SLC13A3: variants seen among roughly 807,000 people sequenced by gnomAD.
The protein encoded by SLC13A3 is Na(+)/dicarboxylate cotransporter 3.
SLC13A3 carries 40 observed loss-of-function variants against 59.0 expected under a neutral mutation model. That is an observed-to-expected ratio of 0.68 (90% CI 0.53 to 0.88). The LOEUF (loss-of-function observed/expected upper bound fraction) is 0.88, where lower values mean the gene tolerates loss of function less well. Ranked by LOEUF, SLC13A3 falls within the 40% of genes least tolerant of loss-of-function variation. The probability of loss-of-function intolerance (pLI) is 0.00; values close to 1 mark genes in which losing one functional copy is unlikely to be tolerated. For missense variants in SLC13A3, 699 were observed against 783.2 expected (o/e 0.89, Z 1.28); for synonymous variants, 317 against 330.3 (o/e 0.96, Z 0.44).
chr20:46,618,946 C>T (rs75201143), intron 1 of SLC13A3, among the ~76,000 whole-genome samples: 10,061 of 152,242 alleles, frequency 0.066, 367 homozygotes, highest in Admixed American at 0.095. Flanking sequence ...AGTGGGATAA[C>T]TGAGGCATGT....
At chr20:46,632,436 T>G (rs1389116326) in intron 1 of SLC13A3, among the ~76,000 whole-genome samples, 1 of 147,796 alleles carries the variant, frequency 6.8e-6, no homozygotes, top group African/African-American at 2.5e-5. Context: ...GGTGGGACAT[T>G]GCCTGGAAGA....
At chr20:46,677,846 G>A (rs956206222) in intron 1 of SLC13A3, among the ~76,000 whole-genome samples, 1 of 152,176 alleles carries the variant, frequency 6.6e-6, no homozygotes, top group Non-Finnish European at 1.5e-5. Flanking sequence ...GGAAAGCACA[G>A]GCCCCTCTAA....
chr20:46,608,926 G>A (rs201597050), intron 3 of SLC13A3: 6 of 1,550,984 alleles, frequency 3.9e-6, no homozygotes, highest in Non-Finnish European at 4.4e-6. Flanking sequence ...AGGAAGGACA[G>A]AACCCGGAAG....
chr20:46,668,037 T>C (rs1307425656), intron 1 of SLC13A3, among the ~76,000 whole-genome samples: 1 of 152,212 alleles, frequency 6.6e-6, no homozygotes, highest in Non-Finnish European at 1.5e-5. Context: ...CTCCACTGAC[T>C]GGCTATTCCC....
At chr20:46,674,598 C>CGT (rs1426452317), upstream of SLC13A3, among the ~76,000 whole-genome samples, 2 of 55,902 alleles carry the variant, frequency 3.6e-5, no homozygotes, top group East Asian at 3.9e-4. Flanking sequence ...TGCGCGCGCG[C>CGT]GCGCGCGTGT....
chr20:46,660,357 T>C (rs1350132933), intron 1 of SLC13A3, among the ~76,000 whole-genome samples: 3 of 152,222 alleles, frequency 2.0e-5, no homozygotes, highest in Non-Finnish European at 4.4e-5. Context: ...TCACCAGATA[T>C]AGAAGTCTAG....
chr20:46,684,066 T>G (rs2063167119), intron 1 of SLC13A3, among the ~76,000 whole-genome samples: 1 of 152,084 alleles, frequency 6.6e-6, no homozygotes, highest in Non-Finnish European at 1.5e-5. Context: ...GCCTCTCCCA[T>G]CTCATGTTCT....
At chr20:46,634,754 G>T (rs372849018) in intron 1 of SLC13A3, among the ~76,000 whole-genome samples, 1 of 152,184 alleles carries the variant, frequency 6.6e-6, no homozygotes, top group Non-Finnish European at 1.5e-5. Flanking sequence ...CCTGAGGAGG[G>T]TAGAACACGT....
intron 1 of SLC13A3, among the ~76,000 whole-genome samples, chr20:46,626,264 TTC>T (rs981324154): frequency 1.4e-5 from 2 of 140,698 alleles, no homozygotes; most frequent in Non-Finnish European, 3.1e-5. Flanking sequence ...TCTCCTCCCT[TTC>T]TCTCTCTCCC....
chr20:46,621,826 A>T lies in SLC13A3; in HGVS notation c.112-8101T>A, dbSNP rs374141377. The stretch of plus-strand genomic sequence containing the variant: ...CTGTTCTCCCTACCGCTCCGCTAAA[A>T]ATTCATAATTGGTACACTGAAAGTG... On this transcript the variant is annotated intron_variant, in intron 1 of 12. Coordinates refer to ENST00000279027, the MANE Select transcript of SLC13A3 (RefSeq NM_022829.6). Among the ~76,000 whole-genome samples, 33 of 152,366 alleles carry T rather than the reference A, an allele frequency of 2.2e-4. No homozygotes were observed. In the East Asian group the frequency reaches 2.9e-3, roughly 13 times the overall value.
At chr20:46,622,271 A>T (rs2062623193) in intron 1 of SLC13A3, among the ~76,000 whole-genome samples, 1 of 152,158 alleles carries the variant, frequency 6.6e-6, no homozygotes, top group African/African-American at 2.4e-5. Flanking sequence ...GCCCTTGAGG[A>T]TCTCAGAGTC....
rs757323050 is a variant in SLC13A3, at chr20:46,600,025, C to G, written c.554G>C (p.Arg185Thr). 2 of 1,566,108 alleles carry G rather than the reference C, an allele frequency of 1.3e-6. No individual in the cohort carries two copies. Among genetic ancestry groups the G allele is most frequent in the South Asian group, 2.3e-5 (2 of 85,164 alleles). The change falls in exon 4 of 13, where the codon AGA (arginine) becomes ACA (threonine). Residue 185 changes from arginine (R) to threonine (T), a missense_variant. Transcript: ENST00000279027. ...CGTGGGCACAGTGTGTAGGCCGTTT[C>G]TCCGCACAGCAGCTAGGAGGAAAGA... ...ESEENTAAVRRNGLHTVPTEM... is the reference protein window; with the variant it reads ...ESEENTAAVRTNGLHTVPTEM...
In SLC13A3 at chr20:46,596,146, C is replaced by G; in HGVS notation, c.794+11G>C. The G allele has an allele frequency of 6.2e-7, 1 of 1,611,130 alleles. No homozygotes were observed. Among genetic ancestry groups the G allele is most frequent in the Non-Finnish European group, 8.5e-7 (1 of 1,178,758 alleles). Reference sequence around the variant, plus strand: ...AGAACCCTCCCCGCCGGTGGGGACTCTCGCTTTCACCTCTTGAGCTGGCCA... The same window carrying G: ...AGAACCCTCCCCGCCGGTGGGGACTGTCGCTTTCACCTCTTGAGCTGGCCA... On this transcript the variant is annotated intron_variant, in intron 5 of 12. Coordinates refer to ENST00000279027, the MANE Select transcript of SLC13A3 (RefSeq NM_022829.6).
At chr20:46,583,326 T>C in intron 9 of SLC13A3, 1 of 1,087,670 alleles carries the variant, frequency 9.2e-7, no homozygotes, top group Non-Finnish European at 1.2e-6. Flanking sequence ...TGTGCTTAGC[T>C]CACAGGCTGT....
At chr20:46,572,302 C>G (rs1722211380) in intron 10 of SLC13A3, among the ~76,000 whole-genome samples, 1 of 152,124 alleles carries the variant, frequency 6.6e-6, no homozygotes, top group Admixed American at 6.5e-5. Context: ...CGCTCCTGGG[C>G]CAGGCTGCGG....
At chr20:46,627,089 G>A (rs1428645933) in intron 1 of SLC13A3, among the ~76,000 whole-genome samples, 21 of 152,158 alleles carry the variant, frequency 1.4e-4, no homozygotes, top group African/African-American at 2.4e-5. Flanking sequence ...TCTCTCTCTC[G>A]CCTCCCTGCA....
At chr20:46,655,408 C>T (rs928560348), upstream of SLC13A3, among the ~76,000 whole-genome samples, 21 of 149,152 alleles carry the variant, frequency 1.4e-4, no homozygotes, top group African/African-American at 5.2e-4. Flanking sequence ...CATGGTTATG[C>T]AGGCTTTACA....
intron 10 of SLC13A3, among the ~76,000 whole-genome samples, chr20:46,574,002 G>A (rs1384854303): frequency 1.3e-5 from 2 of 152,168 alleles, no homozygotes; most frequent in East Asian, 1.9e-4. Flanking sequence ...GGGGTGAGAC[G>A]GAGCTCAGCC....
chr20:46,652,658 G>A (rs1215149922), upstream of SLC13A3, among the ~76,000 whole-genome samples: 2 of 150,866 alleles, frequency 1.3e-5, no homozygotes, highest in Non-Finnish European at 2.9e-5. Context: ...GCCTCCCAAA[G>A]TTCTGGGATT....
Sources: gnomAD v4.1 joint callset for allele counts (sites outside exome capture counted in the v4.1 genomes callset) on GRCh38, gnomAD v4.1.1 for gene constraint, MANE v1.5 for transcripts, NCBI Gene and HGNC (gene_info 2026-07-23, HGNC 2026-07-21) for gene names.